The following RALYL variants were observed in gnomAD, a reference collection of about 807,000 sequenced individuals.
The protein encoded by RALYL is RNA-binding Raly-like protein.
RALYL carries 29 observed loss-of-function variants against 35.1 expected under a neutral mutation model. That is an observed-to-expected ratio of 0.83 (90% CI 0.61 to 1.13). The LOEUF is 1.13. Ranked by LOEUF, RALYL falls within the 50% of genes most tolerant of loss-of-function variation. The pLI, the probability that RALYL is intolerant of heterozygous loss-of-function variation, is 0.00. For missense variants in RALYL, 359 were observed against 360.4 expected, an observed-to-expected ratio of 1.00 and a Z score of 0.03; for synonymous variants, 120 against 127.6, an observed-to-expected ratio of 0.94 and a Z score of 0.40.
intron 6 of RALYL, among the ~76,000 whole-genome samples, chr8:84,869,118 T>C (rs746358419): frequency 6.6e-6 from 1 of 152,038 alleles, no homozygotes; most frequent in Non-Finnish European, 1.5e-5. Flanking sequence ...CTGAATATTA[T>C]TGAATTAAGC....
intron 2 of RALYL, among the ~76,000 whole-genome samples, chr8:84,719,372 T>C (rs1421218671): frequency 6.6e-6 from 1 of 152,178 alleles, no homozygotes; most frequent in Non-Finnish European, 1.5e-5. Context: ...TCTCTTGCCT[T>C]TTTATATTCA....
intron 4 of RALYL, among the ~76,000 whole-genome samples, chr8:84,826,292 GAA>G (rs1169764529): frequency 0.028 from 1,816 of 65,934 alleles, 26 homozygotes; most frequent in African/African-American, 0.085. Context: ...CCCTGAATCT[GAA>G]AAAAAAAAAA....
At chr8:84,724,995 A>G (rs1385198743) in intron 2 of RALYL, among the ~76,000 whole-genome samples, 1 of 151,548 alleles carries the variant, frequency 6.6e-6, no homozygotes, top group Non-Finnish European at 1.5e-5. Context: ...TTTTTCCTTG[A>G]TGTGCTATCA....
rs571512781 is a variant in RALYL, at chr8:84,845,144, T to G, written c.366-4836T>G. The stretch of plus-strand genomic sequence containing the variant: ...AAAAAAATTAAAAAAAATAAAAAAT[T>G]TAGTCACGTATTTCCTTTGTGAGCT... On this transcript the variant is annotated intron_variant, in intron 4 of 8. Transcript: ENST00000521268. 1.1e-3 allele frequency among the ~76,000 whole-genome samples: 160 copies of G among 152,210 alleles called. 1 individual carries two copies. The highest frequency in any genetic ancestry group is 1.6e-3 in the Non-Finnish European group (108 of 67,998).
At chr8:84,300,318 C>T (rs1840529295) in intron 1 of RALYL, among the ~76,000 whole-genome samples, 1 of 151,498 alleles carries the variant, frequency 6.6e-6, no homozygotes, top group Admixed American at 6.6e-5. Flanking sequence ...GGTATGATTT[C>T]AGTTGTTTTT....
At chr8:84,762,955 A>C (rs1813046939) in intron 2 of RALYL, among the ~76,000 whole-genome samples, 1 of 152,184 alleles carries the variant, frequency 6.6e-6, no homozygotes, top group Non-Finnish European at 1.5e-5. Flanking sequence ...TTCTCTTTTC[A>C]AAACATCTTA....
At chr8:84,293,404 A>G (rs143981349) in intron 1 of RALYL, among the ~76,000 whole-genome samples, 125 of 152,208 alleles carry the variant, frequency 8.2e-4, no homozygotes, top group African/African-American at 2.9e-3. Context: ...GTTGGTTTCC[A>G]TCCTAATGAT....
chr8:84,237,987 G>C (rs1826967633), intron 1 of RALYL, among the ~76,000 whole-genome samples: 1 of 142,650 alleles, frequency 7.0e-6, no homozygotes, highest in Non-Finnish European at 1.5e-5. Context: ...AAAAAAAGAA[G>C]AAAAAAGTGC....
At chr8:84,885,499 T>C (rs1842800874) in intron 7 of RALYL, among the ~76,000 whole-genome samples, 1 of 152,136 alleles carries the variant, frequency 6.6e-6, no homozygotes, top group Admixed American at 6.6e-5. Context: ...TACATCTGTA[T>C]ATGCATATCA....
At chr8:84,363,271 G>A (rs1853473269) in intron 1 of RALYL, among the ~76,000 whole-genome samples, 1 of 152,152 alleles carries the variant, frequency 6.6e-6, no homozygotes, top group South Asian at 2.1e-4. Context: ...TTGGCCACCT[G>A]CAGAAAAATC....
chr8:84,333,580 C>T (rs1246980507), intron 1 of RALYL, among the ~76,000 whole-genome samples: 2 of 152,136 alleles, frequency 1.3e-5, no homozygotes, highest in African/African-American at 2.4e-5. Context: ...ACCTTATCTT[C>T]TTTATCTGGC....
chr8:84,192,271 G>GTGA lies in RALYL; in HGVS notation c.-24+7848_-24+7850dup, dbSNP rs561218083. Among the ~76,000 whole-genome samples the GTGA allele has an allele frequency of 3.3e-3, 508 of 152,290 alleles. 1 individual carries two copies. Among genetic ancestry groups the GTGA allele is most frequent in the Non-Finnish European group, 5.5e-3 (376 of 68,026 alleles). ...GGAAATAATGAGACAAATGCATAAG[G>GTGA]TGAGGTATTCCACATTGAAGATACA... On this transcript the variant is annotated intron_variant, in intron 1 of 8. Coordinates refer to ENST00000521268, the MANE Select transcript of RALYL (RefSeq NM_173848.7).
At chr8:84,596,931 GTCTC>G (rs1034226207) in intron 2 of RALYL, among the ~76,000 whole-genome samples, 1 of 152,070 alleles carries the variant, frequency 6.6e-6, no homozygotes, top group African/African-American at 2.4e-5. Context: ...GGCTGGTAGA[GTCTC>G]TCTGTTACTT....
intron 1 of RALYL, among the ~76,000 whole-genome samples, chr8:84,338,544 A>G (rs1209842954): frequency 6.6e-6 from 1 of 151,976 alleles, no homozygotes; most frequent in Non-Finnish European, 1.5e-5. Context: ...GGGAGGGAAC[A>G]TTATATATTA....
At chr8:84,831,437 G>A (rs931913038) in intron 4 of RALYL, among the ~76,000 whole-genome samples, 2 of 152,080 alleles carry the variant, frequency 1.3e-5, no homozygotes, top group African/African-American at 4.8e-5. Flanking sequence ...GATGTATCAT[G>A]TACCAATCCC....
intron 1 of RALYL, among the ~76,000 whole-genome samples, chr8:84,490,769 G>C (rs2134033522): frequency 6.6e-6 from 1 of 151,450 alleles, no homozygotes; most frequent in East Asian, 1.9e-4. Context: ...ATCAGAGAGG[G>C]ACAATTTTAA....
At chr8:84,648,411 A>T (rs966412891) in intron 2 of RALYL, among the ~76,000 whole-genome samples, 1 of 152,054 alleles carries the variant, frequency 6.6e-6, no homozygotes, top group Admixed American at 6.6e-5. Flanking sequence ...ATGTGGTTTG[A>T]TTAGAAAGTA....
intron 8 of RALYL, among the ~76,000 whole-genome samples, chr8:84,910,478 GTTA>G (rs1847320717): frequency 6.6e-6 from 1 of 152,026 alleles, no homozygotes; most frequent in Admixed American, 6.6e-5. Context: ...GGTGTCATAT[GTTA>G]TTATGTCTAA....
Position 84,753,398 on chromosome 8 carries a change from G to A in RALYL, c.257-21181G>A, listed in dbSNP as rs1426367220. The stretch of plus-strand genomic sequence containing the variant: ...GACTTTTGAGTTAATGCTAGAATGG[G>A]TTAAGACTTTGGGAGACTGTTGGGA... On this transcript the variant is annotated intron_variant, in intron 2 of 8. Transcript: ENST00000521268. 2.0e-5 allele frequency among the ~76,000 whole-genome samples: 3 copies of A among 152,146 alleles called. No homozygotes were observed. In the East Asian group the frequency reaches 5.8e-4, roughly 29 times the overall value.
Sources: gnomAD v4.1 joint callset for allele counts (sites outside exome capture counted in the v4.1 genomes callset) on GRCh38, gnomAD v4.1.1 for gene constraint, MANE v1.5 for transcripts, NCBI Gene and HGNC (gene_info 2026-07-23, HGNC 2026-07-21) for gene names.